Variants in VPS35 observed in about 807,000 individuals in gnomAD.
The protein encoded by VPS35 is VPS35 retromer complex component, also known as vacuolar protein sorting-associated protein 35.
Under a neutral mutation model 98.1 loss-of-function variants are expected in VPS35, and 21 were observed. The ratio of observed to expected loss-of-function variants is 0.21; its 90% CI spans 0.15 to 0.31. The LOEUF is 0.31. Among genes scored for constraint, VPS35 ranks in the 10% least tolerant of loss-of-function variants. VPS35 has a pLI of 1.00. For missense variants in VPS35, 554 were observed against 950.8 expected, an observed-to-expected ratio of 0.58 and a Z score of 5.49; for synonymous variants, 268 against 318.2, an observed-to-expected ratio of 0.84 and a Z score of 1.68.
intron 13 of VPS35, among the ~76,000 whole-genome samples, chr16:46,667,358 GACC>G (rs1242609919): frequency 3.9e-5 from 6 of 151,956 alleles, no homozygotes; most frequent in Non-Finnish European, 7.4e-5. Flanking sequence ...TTTAGATATT[GACC>G]ACTTTTCAGA....
At chr16:46,680,149 C>T (rs992049301) in intron 5 of VPS35, among the ~76,000 whole-genome samples, 4 of 152,192 alleles carry the variant, frequency 2.6e-5, no homozygotes, top group African/African-American at 9.7e-5. Flanking sequence ...GACTTTGATG[C>T]TAGAATACTG....
intron 13 of VPS35, 144 bp from the exon 14 acceptor site, chr16:46,663,306 C>G (rs1965940623): frequency 1.4e-6 from 1 of 720,738 alleles, no homozygotes; most frequent in African/African-American, 1.8e-5. Flanking sequence ...ATAGGGCAAA[C>G]AAGTAAATCA....
At chr16:46,676,475 G>C in intron 8 of VPS35, 108 bp downstream of exon 8, 3 of 754,254 alleles carry the variant, frequency 4.0e-6, no homozygotes, top group Non-Finnish European at 7.0e-6. Flanking sequence ...ATTAAATTAA[G>C]ATCATTGGTA....
At chr16:46,677,487 GA>G in intron 6 of VPS35, 89 bp from the exon 7 acceptor site, 1 of 1,082,390 alleles carries the variant, frequency 9.2e-7, no homozygotes, top group Non-Finnish European at 1.4e-6. Flanking sequence ...CTACTAACTT[GA>G]AAATCGTATT....
intron 1 of VPS35, chr16:46,688,918 G>A (rs976603752): frequency 6.8e-7 from 1 of 1,460,656 alleles, no homozygotes; most frequent in South Asian, 1.4e-5. Flanking sequence ...CTCAGCAACG[G>A]CCGCAGCCAA....
At chr16:46,662,552 T>G (rs1965929089) in intron 14 of VPS35, 70 bp from the exon 15 acceptor site, 2 of 1,600,894 alleles carry the variant, frequency 1.2e-6, no homozygotes, top group Non-Finnish European at 1.7e-6. Context: ...TCCAAAGTAC[T>G]TGTCACCAAA....
chr16:46,682,252 A>T (rs183619073), intron 2 of VPS35, 77 bp from the exon 3 acceptor site: 8 of 1,108,744 alleles, frequency 7.2e-6, no homozygotes, highest in Non-Finnish European at 1.1e-5. Context: ...AATTCTTTAC[A>T]TCAAGGACTT....
intron 8 of VPS35, among the ~76,000 whole-genome samples, chr16:46,676,210 T>A (rs1295348507): frequency 6.6e-6 from 1 of 152,152 alleles, no homozygotes; most frequent in Non-Finnish European, 1.5e-5. Flanking sequence ...TTACGGCTAC[T>A]CTAAATCAAA....
rs1459922326 is a variant in VPS35, at chr16:46,663,248, T to G, written c.1648-86A>C. ...TCCATTTTAATAGAACAAAATACTG[T>G]AAGTTGTGTGCACAGTTTTCCTGTC... On this transcript the variant is annotated intron_variant, in intron 13 of 16. Coordinates refer to ENST00000299138, the MANE Select transcript of VPS35 (RefSeq NM_018206.6). The G allele has an allele frequency of 2.4e-6, 3 of 1,245,018 alleles. No homozygotes were observed. The African/African-American group carries it at 4.5e-5, about 19-fold the overall frequency. The allele number at this position is 1,245,018 out of a possible 1,614,324, so 77.1% of individuals were successfully genotyped here.
Position 46,660,376 on chromosome 16 carries a change from G to C in VPS35, c.*96C>G, listed in dbSNP as rs1965893329. On this transcript the variant is annotated 3_prime_UTR_variant, in exon 17 of 17. Coordinates refer to ENST00000299138, the MANE Select transcript of VPS35 (RefSeq NM_018206.6). Reference sequence around the variant, plus strand: ...GGTAAGAAATGGGAAACCTACCTCAGCATTTCTGAAAGGCACAATCTATGG... The same window carrying C: ...GGTAAGAAATGGGAAACCTACCTCACCATTTCTGAAAGGCACAATCTATGG... The C allele has an allele frequency of 6.6e-7, 1 of 1,505,576 alleles. No individual in the cohort carries two copies. 93.3% of individuals were successfully genotyped at this position (1,505,576 alleles called of 1,614,324 possible).
intron 8 of VPS35, 48 bp downstream of exon 8, chr16:46,676,535 A>G (rs1210837608): frequency 2.6e-6 from 3 of 1,171,360 alleles, no homozygotes; most frequent in East Asian, 4.7e-5. Context: ...TTTAAAATTC[A>G]TTATTCCCAA....
rs1312526988 is a variant in VPS35, at chr16:46,656,338, G to A, written c.*4134C>T. Reference sequence around the variant, plus strand: ...TTAGTTTTGGGAGCAGACTTGAATTGCAGAACTGAAGTTACAATTGGCACA... The same window carrying A: ...TTAGTTTTGGGAGCAGACTTGAATTACAGAACTGAAGTTACAATTGGCACA... On this transcript the variant is annotated 3_prime_UTR_variant, in exon 17 of 17. Transcript: ENST00000299138. 6.6e-6 allele frequency: 1 copy of A among 152,208 alleles called. No homozygotes were observed. The highest frequency in any genetic ancestry group is 1.9e-4 in the East Asian group (1 of 5,194). The allele number at this position is 152,208 out of a possible 1,614,324, so 9.4% of individuals were successfully genotyped here.
At chr16:46,666,268 A>ATT (rs747687406) in intron 13 of VPS35, among the ~76,000 whole-genome samples, 8 of 132,452 alleles carry the variant, frequency 6.0e-5, no homozygotes, top group Admixed American at 1.5e-4. Context: ...TAATTTTTTA[A>ATT]TTTTTTTTTT....
chr16:46,672,948 GCTGA>G (rs773426813), intron 10 of VPS35, among the ~76,000 whole-genome samples: 1 of 152,144 alleles, frequency 6.6e-6, no homozygotes, highest in Non-Finnish European at 1.5e-5. Context: ...GGAAAAGCAG[GCTGA>G]CTGACTTTTA....
At chr16:46,672,002 G>T (rs1966077155) in intron 11 of VPS35, 142 bp from the exon 12 acceptor site, 2 of 1,171,064 alleles carry the variant, frequency 1.7e-6, no homozygotes, top group Admixed American at 4.0e-5. Flanking sequence ...CGATACACAT[G>T]TATGTCATAC....
Position 46,678,905 on chromosome 16 carries a change from T to C in VPS35, c.720+38A>G, listed in dbSNP as rs1055156949. 1.9e-6 allele frequency: 3 copies of C among 1,593,864 alleles called. No individual in the cohort carries two copies. In the African/African-American group the frequency reaches 4.0e-5, roughly 21 times the overall value. ...ATTTTAAAAATCAGATTTCAGTTTATCTCTGAACATAAGAAGAGGTAACAA... is the reference window on the plus strand; with the variant it reads ...ATTTTAAAAATCAGATTTCAGTTTACCTCTGAACATAAGAAGAGGTAACAA... On this transcript the variant is annotated intron_variant, in intron 6 of 16. Transcript: ENST00000299138.
chr16:46,672,964 G>A (rs538931293), intron 10 of VPS35, among the ~76,000 whole-genome samples: 12 of 152,270 alleles, frequency 7.9e-5, no homozygotes, highest in Admixed American at 4.6e-4. Context: ...TGACTTTTAC[G>A]TAGTTGTTAG....
Position 46,656,916 on chromosome 16 carries a change from G to A in VPS35, c.*3556C>T, listed in dbSNP as rs1025106098. The A allele has an allele frequency of 6.6e-6, 1 of 152,404 alleles. No homozygotes were observed. The highest frequency in any genetic ancestry group is 1.5e-5 in the Non-Finnish European group (1 of 68,220). 9.4% of individuals were successfully genotyped at this position (152,404 alleles called of 1,614,324 possible). A position where few individuals can be genotyped will look rare whatever the true frequency, so the allele number is the denominator to read the frequency against. On this transcript the variant is annotated 3_prime_UTR_variant, in exon 17 of 17. Coordinates refer to ENST00000299138, the MANE Select transcript of VPS35 (RefSeq NM_018206.6). Reference sequence around the variant, plus strand: ...AGCTACTCGGGAGGCTGAGGCAGGAGAATTGCTTGAACTGGGGAGGCGGAG... The same window carrying A: ...AGCTACTCGGGAGGCTGAGGCAGGAAAATTGCTTGAACTGGGGAGGCGGAG...
At chr16:46,682,827 A>C (rs1275972348) in intron 2 of VPS35, 1 of 154,342 alleles carries the variant, frequency 6.5e-6, no homozygotes, top group Non-Finnish European at 1.4e-5. Flanking sequence ...TAGAAAGCAC[A>C]GTAAGACATT....
Sources: allele counts gnomAD v4.1 joint callset (sites outside exome capture counted in the v4.1 genomes callset), GRCh38; gene constraint gnomAD v4.1.1; transcripts MANE v1.5; gene names NCBI Gene and HGNC (gene_info 2026-07-23, HGNC 2026-07-21).